The following ENAH variants were observed in gnomAD, a reference collection of about 807,000 sequenced individuals.
ENAH encodes ENAH actin regulator.
In ENAH, 23 loss-of-function variants were observed where a neutral mutation model predicts 78.7. The observed-to-expected ratio is 0.29, with a 90% CI of 0.21 to 0.41. The LOEUF is 0.41. Among genes scored for constraint, ENAH ranks in the 10% least tolerant of loss-of-function variants. The probability of loss-of-function intolerance (pLI) is 1.00; values close to 1 mark genes in which losing one functional copy is unlikely to be tolerated. For synonymous variants in ENAH, 226 were observed against 241.0 expected, an observed-to-expected ratio of 0.94 and a Z score of 0.58; for missense variants, 544 against 691.0, an observed-to-expected ratio of 0.79 and a Z score of 2.39.
At chr1:225,565,153 G>A (rs573823747) in intron 2 of ENAH, among the ~76,000 whole-genome samples, 2 of 152,002 alleles carry the variant, frequency 1.3e-5, no homozygotes, top group South Asian at 4.2e-4. Flanking sequence ...ATTTCTTTCC[G>A]AGCCTGGCGC....
intron 3 of ENAH, chr1:225,531,093 G>A: frequency 2.5e-6 from 1 of 398,778 alleles, no homozygotes; most frequent in Non-Finnish European, 4.4e-6. Flanking sequence ...GAGAGCATGA[G>A]AACCTTATTA....
At chr1:225,510,699 T>TA (rs770906084) in intron 10 of ENAH, among the ~76,000 whole-genome samples, 3,806 of 105,962 alleles carry the variant, frequency 0.036, 68 homozygotes, top group Non-Finnish European at 0.048. Context: ...CAGAGGTACT[T>TA]AAAAAAAAAA....
At chr1:225,652,196 C>T in intron 1 of ENAH, 1 of 352,096 alleles carries the variant, frequency 2.8e-6, no homozygotes, top group Non-Finnish European at 4.0e-6. Context: ...CCTACCCCTA[C>T]CAGAGGCACT....
rs143245390 is a variant in ENAH at position 225,523,955 on chromosome 1, C to T, written c.435-4390G>A. Among the ~76,000 whole-genome samples the T allele has an allele frequency of 6.6e-5, 10 of 152,256 alleles. No homozygotes were observed. In the East Asian group the frequency reaches 1.9e-3, roughly 29 times the overall value. On this transcript the variant is annotated intron_variant, in intron 4 of 13. Transcript: ENST00000366843. The stretch of plus-strand genomic sequence containing the variant: ...TTTTCAAAGAAAGAGTGCCTTAATT[C>T]TGAACCATGAAAAATCCTGACGGAC...
chr1:225,563,639 G>C (rs2096719864), intron 2 of ENAH, among the ~76,000 whole-genome samples: 3 of 152,058 alleles, frequency 2.0e-5, no homozygotes, highest in Admixed American at 2.0e-4. Flanking sequence ...ATCAAGAAGT[G>C]CTTTTGTTTT....
At chr1:225,528,110 C>T (rs763796558) in intron 4 of ENAH, among the ~76,000 whole-genome samples, 20 of 152,104 alleles carry the variant, frequency 1.3e-4, no homozygotes, top group Non-Finnish European at 2.5e-4. Flanking sequence ...TAATTCAGTA[C>T]CAGAAACTTC....
chr1:225,562,601 A>C (rs200646655), intron 2 of ENAH, among the ~76,000 whole-genome samples: 6,558 of 133,238 alleles, frequency 0.049, 223 homozygotes, highest in Non-Finnish European at 0.076. Context: ...AAAAAAAAAA[A>C]ACACACCCAA....
intron 1 of ENAH, among the ~76,000 whole-genome samples, chr1:225,580,704 G>C (rs2096811903): frequency 6.6e-6 from 1 of 152,002 alleles, no homozygotes; most frequent in Non-Finnish European, 1.5e-5. Flanking sequence ...GATCATTTGA[G>C]ATCAGGACTT....
In ENAH at chr1:225,559,558, C is replaced by G. The variant is rs148775780; in HGVS notation, c.172-4475G>C. On this transcript the variant is annotated intron_variant, in intron 2 of 13. Transcript: ENST00000366843. ...CAGAACAAGAGGAACTGTGAAATAT[C>G]TGGTTCCAAAATGGCAGCGCAGAAG... is the stretch of plus-strand genomic sequence containing the variant. 7.9e-5 allele frequency among the ~76,000 whole-genome samples: 12 copies of G among 152,272 alleles called. No homozygotes were observed. The East Asian group carries it at 1.9e-3, about 25-fold the overall frequency.
chr1:225,500,382 T>C (rs2096275303), intron 12 of ENAH, among the ~76,000 whole-genome samples: 1 of 152,214 alleles, frequency 6.6e-6, no homozygotes, highest in Admixed American at 6.5e-5. Context: ...ACTGTACACA[T>C]TTGTTTTGTT....
chr1:225,498,555 G>T, intron 12 of ENAH, 151 bp from the exon 13 acceptor site: 1 of 575,424 alleles, frequency 1.7e-6, no homozygotes, highest in South Asian at 2.3e-5. Flanking sequence ...GACTAGCCTT[G>T]GTGAATTTTG....
intron 1 of ENAH, among the ~76,000 whole-genome samples, chr1:225,572,093 A>G (rs947702959): frequency 1.3e-5 from 2 of 152,112 alleles, no homozygotes; most frequent in Admixed American, 1.3e-4. Context: ...AAGTAGGAGC[A>G]GCCTTATGGA....
intron 2 of ENAH, among the ~76,000 whole-genome samples, chr1:225,558,237 T>C (rs1437213930): frequency 6.6e-6 from 1 of 152,204 alleles, no homozygotes; most frequent in Non-Finnish European, 1.5e-5. Flanking sequence ...ATTGGCACTG[T>C]AGAGTTGACA....
In ENAH at chr1:225,497,664, C is replaced by T. The variant is rs954266827; in HGVS notation, c.*111G>A. Reference sequence around the variant, plus strand: ...GGTTTTTCCCTCCTTCTGTTTGTCTCCATTTTCTTCTTACAGCTCATAAAT... The same window carrying T: ...GGTTTTTCCCTCCTTCTGTTTGTCTTCATTTTCTTCTTACAGCTCATAAAT... On this transcript the variant is annotated 3_prime_UTR_variant, in exon 14 of 14. Coordinates refer to ENST00000366843, the MANE Select transcript of ENAH (RefSeq NM_018212.6). 9 of 1,085,604 alleles carry T rather than the reference C, an allele frequency of 8.3e-6. No individual in the cohort carries two copies. In the Admixed American group the frequency reaches 1.8e-4, roughly 21 times the overall value. The allele number at this position is 1,085,604 out of a possible 1,614,324, so 67.2% of individuals were successfully genotyped here.
At chr1:225,559,432 C>T (rs1181319466) in intron 2 of ENAH, among the ~76,000 whole-genome samples, 1 of 152,096 alleles carries the variant, frequency 6.6e-6, no homozygotes, top group Non-Finnish European at 1.5e-5. Context: ...TTGTTCAAAC[C>T]TTCTATACAT....
At chr1:225,609,340 CA>C (rs554470424) in intron 1 of ENAH, among the ~76,000 whole-genome samples, 109 of 142,970 alleles carry the variant, frequency 7.6e-4, no homozygotes, top group Admixed American at 9.8e-4. Context: ...AAAGCTGTTT[CA>C]AAAAAAAAAA....
intron 12 of ENAH, 46 bp from the exon 13 acceptor site, chr1:225,498,450 A>G (rs1026557116): frequency 8.4e-7 from 1 of 1,195,348 alleles, no homozygotes; most frequent in African/African-American, 1.6e-5. Context: ...CAAAATTACC[A>G]CTAAAGAGAT....
chr1:225,530,281 T>C (rs2096531727), intron 4 of ENAH, among the ~76,000 whole-genome samples: 1 of 152,214 alleles, frequency 6.6e-6, no homozygotes, highest in Non-Finnish European at 1.5e-5. Context: ...ATAAGAAGAT[T>C]TTGAATTCTG....
intron 1 of ENAH, among the ~76,000 whole-genome samples, chr1:225,573,103 A>G (rs1173578164): frequency 6.6e-6 from 1 of 152,204 alleles, no homozygotes; most frequent in Non-Finnish European, 1.5e-5. Context: ...GCTTCCTGGT[A>G]TTTAAGCAGA....
Sources: allele counts gnomAD v4.1 joint callset (sites outside exome capture counted in the v4.1 genomes callset), GRCh38; gene constraint gnomAD v4.1.1; transcripts MANE v1.5; gene names NCBI Gene and HGNC (gene_info 2026-07-23, HGNC 2026-07-21).